The following RAB38 variants were observed in gnomAD, a reference collection of about 807,000 sequenced individuals.
RAB38 encodes RAB38, member RAS oncogene family.
RAB38 carries 15 observed loss-of-function variants against 18.4 expected under a neutral mutation model. That is an observed-to-expected ratio of 0.82 (90% confidence interval 0.55 to 1.26). The LOEUF is 1.26. RAB38 is among the 50% of genes most tolerant of loss of function. The pLI, the probability that RAB38 is intolerant of heterozygous loss-of-function variation, is 0.00. For synonymous variants in RAB38, 101 were observed against 104.4 expected, an observed-to-expected ratio of 0.97 and a Z score of 0.20; for missense variants, 294 against 267.4, an observed-to-expected ratio of 1.10 and a Z score of -0.69.
the RAB38 span, chr11:88,098,452 G>C: frequency 6.6e-6 from 1 of 151,938 alleles, no homozygotes; most frequent in Non-Finnish European, 1.5e-5. Context: ...TCAGTAGCAG[G>C]ACATATTAGT....
At chr11:87,950,992 G>C in the RAB38 span, among the ~76,000 whole-genome samples, 3 of 152,114 alleles carry the variant, frequency 2.0e-5, no homozygotes, top group African/African-American at 7.2e-5. Flanking sequence ...TTCCAACTTG[G>C]TTCCATTCTC....
intron 2 of RAB38, among the ~76,000 whole-genome samples, chr11:88,119,143 A>C (rs527246898): frequency 1.3e-5 from 2 of 152,114 alleles, no homozygotes; most frequent in African/African-American, 2.4e-5. Flanking sequence ...ATCCCTTGTA[A>C]AGTTAAAACA....
At chr11:87,962,631 C>G in the RAB38 span, among the ~76,000 whole-genome samples, 1 of 152,120 alleles carries the variant, frequency 6.6e-6, no homozygotes. Flanking sequence ...ATATAGTAAT[C>G]CAAGTCATGC....
At chr11:88,035,046 A>G in the RAB38 span, among the ~76,000 whole-genome samples, 6 of 152,196 alleles carry the variant, frequency 3.9e-5, no homozygotes, top group Non-Finnish European at 8.8e-5. Flanking sequence ...GGACCTCACT[A>G]GGTTTTAATT....
At chr11:87,805,048 C>T in the RAB38 span, among the ~76,000 whole-genome samples, 7 of 152,158 alleles carry the variant, frequency 4.6e-5, no homozygotes, top group African/African-American at 1.7e-4. Context: ...GAACTTAATG[C>T]CAACATTTTG....
intron 1 of RAB38, among the ~76,000 whole-genome samples, chr11:88,151,481 C>T (rs1943062969): frequency 6.6e-6 from 1 of 152,112 alleles, no homozygotes; most frequent in African/African-American, 2.4e-5. Flanking sequence ...ACTCAAAACC[C>T]CAGAAGTATG....
the RAB38 span, among the ~76,000 whole-genome samples, chr11:87,965,914 T>A: frequency 3.0e-4 from 45 of 152,300 alleles, no homozygotes; most frequent in African/African-American, 9.6e-4. Context: ...TAGAGGGAAC[T>A]AAACATGCTC....
the RAB38 span, among the ~76,000 whole-genome samples, chr11:87,828,186 A>G: frequency 6.6e-6 from 1 of 152,220 alleles, no homozygotes; most frequent in Non-Finnish European, 1.5e-5. Context: ...ATTGACTTCA[A>G]TGTTATGAAA....
chr11:87,892,733 C>T, the RAB38 span, among the ~76,000 whole-genome samples: 1 of 151,740 alleles, frequency 6.6e-6, no homozygotes, highest in Admixed American at 6.6e-5. Context: ...CTCAATTCTA[C>T]CCAGTCTTTA....
the RAB38 span, among the ~76,000 whole-genome samples, chr11:87,834,717 A>C: frequency 1.3e-4 from 20 of 152,194 alleles, no homozygotes; most frequent in African/African-American, 3.9e-4. Context: ...TTTAGAGCTC[A>C]TTGACAGGTC....
the RAB38 span, chr11:88,062,170 T>C: frequency 6.6e-6 from 1 of 152,108 alleles, no homozygotes; most frequent in Non-Finnish European, 1.5e-5. Context: ...ATCCCTGTAA[T>C]CCCCACATGT....
At chr11:88,132,230 C>T (rs1439707741) in intron 2 of RAB38, among the ~76,000 whole-genome samples, 1 of 152,148 alleles carries the variant, frequency 6.6e-6, no homozygotes, top group Non-Finnish European at 1.5e-5. Context: ...GAAAAGAAAA[C>T]AGAAACTAAT....
chr11:87,942,466 G>A, the RAB38 span, among the ~76,000 whole-genome samples: 1 of 152,146 alleles, frequency 6.6e-6, no homozygotes, highest in Non-Finnish European at 1.5e-5. Context: ...GCAACTCGCT[G>A]TATAAACCTA....
At chr11:88,156,139 T>C (rs1005551565) in intron 1 of RAB38, among the ~76,000 whole-genome samples, 7 of 152,144 alleles carry the variant, frequency 4.6e-5, no homozygotes, top group African/African-American at 1.7e-4. Flanking sequence ...CTAACCTTGC[T>C]AGAGAGGTAG....
At chr11:87,851,795 C>T in the RAB38 span, among the ~76,000 whole-genome samples, 3 of 152,104 alleles carry the variant, frequency 2.0e-5, no homozygotes, top group African/African-American at 7.2e-5. Flanking sequence ...GTTGGCTGAG[C>T]TCTGAAATTC....
At chr11:87,876,816 C>T in the RAB38 span, among the ~76,000 whole-genome samples, 762 of 151,714 alleles carry the variant, frequency 5.0e-3, 6 homozygotes, top group South Asian at 0.033. Flanking sequence ...TAGACCTGCT[C>T]ACCTGGTAGC....
At chr11:88,094,499 T>C in the RAB38 span, among the ~76,000 whole-genome samples, 1 of 151,980 alleles carries the variant, frequency 6.6e-6, no homozygotes, top group Non-Finnish European at 1.5e-5. Context: ...GTGCCTACAA[T>C]AGATTGATCT....
chr11:88,173,511 C>T, intron 1 of RAB38: 8 of 984,448 alleles, frequency 8.1e-6, no homozygotes, highest in Non-Finnish European at 9.6e-6. Flanking sequence ...TCCATCTCTT[C>T]TGTTTATGTG....
At chr11:88,042,691 G>A in the RAB38 span, among the ~76,000 whole-genome samples, 1 of 152,210 alleles carries the variant, frequency 6.6e-6, no homozygotes, top group Non-Finnish European at 1.5e-5. Flanking sequence ...GGCTGCCTAG[G>A]AAGTTTTCAC....
Sources: allele counts gnomAD v4.1 joint callset (sites outside exome capture counted in the v4.1 genomes callset), GRCh38; gene constraint gnomAD v4.1.1; transcripts MANE v1.5; gene names NCBI Gene and HGNC (gene_info 2026-07-23, HGNC 2026-07-21).